Variants in ADAMTSL3 observed in about 807,000 individuals in gnomAD.
ADAMTSL3 encodes the protein ADAMTS-like protein 3.
Under a neutral mutation model 201.7 loss-of-function variants are expected in ADAMTSL3, and 128 were observed. The ratio of observed to expected loss-of-function variants is 0.63; its 90% CI spans 0.55 to 0.73. The LOEUF is 0.73. ADAMTSL3 is among the 30% of genes least tolerant of loss of function. The probability of loss-of-function intolerance (pLI) is 0.00; values close to 1 mark genes in which losing one functional copy is unlikely to be tolerated. For synonymous variants in ADAMTSL3, 738 were observed against 748.4 expected, an observed-to-expected ratio of 0.99 and a Z score of 0.23; for missense variants, 1,990 against 2,119.6, an observed-to-expected ratio of 0.94 and a Z score of 1.20.
At chr15:83,672,593 T>G (rs2061342256) in intron 2 of ADAMTSL3, among the ~76,000 whole-genome samples, 1 of 152,226 alleles carries the variant, frequency 6.6e-6, no homozygotes, top group African/African-American at 2.4e-5. Context: ...CAGTCATTTG[T>G]AATCATTATT....
In ADAMTSL3 at chr15:83,734,765, C is replaced by G. The variant is rs185864202; in HGVS notation, c.189+30257C>G. Among the ~76,000 whole-genome samples the G allele has an allele frequency of 2.8e-4, 42 of 152,208 alleles. 1 individual carries two copies. The highest frequency in any genetic ancestry group is 2.6e-3 in the Admixed American group (39 of 15,286). ...TTTTAGACCCCAGAGGACATTATGCCCAGATTGCCCCCAGGGGTCACTCTC... is the reference window on the plus strand; with the variant it reads ...TTTTAGACCCCAGAGGACATTATGCGCAGATTGCCCCCAGGGGTCACTCTC... On this transcript the variant is annotated intron_variant, in intron 3 of 29. Coordinates refer to ENST00000286744, the MANE Select transcript of ADAMTSL3 (RefSeq NM_207517.3).
At chr15:83,759,810 T>C (rs2062780204) in intron 3 of ADAMTSL3, among the ~76,000 whole-genome samples, 1 of 152,122 alleles carries the variant, frequency 6.6e-6, no homozygotes, top group Non-Finnish European at 1.5e-5. Context: ...AATTTTGAAA[T>C]ATATTAACAT....
intron 7 of ADAMTSL3, among the ~76,000 whole-genome samples, chr15:83,849,611 A>C (rs549872538): frequency 6.6e-6 from 1 of 152,260 alleles, no homozygotes; most frequent in African/African-American, 2.4e-5. Flanking sequence ...CTGTACTTAC[A>C]ATTGCTTCCT....
intron 26 of ADAMTSL3, among the ~76,000 whole-genome samples, chr15:84,023,080 A>C (rs2068234915): frequency 6.6e-6 from 1 of 152,096 alleles, no homozygotes; most frequent in Non-Finnish European, 1.5e-5. Flanking sequence ...CTCCCACTAG[A>C]CCGTAAATTC....
intron 7 of ADAMTSL3, among the ~76,000 whole-genome samples, chr15:83,847,413 C>T (rs1041106189): frequency 3.3e-5 from 5 of 152,026 alleles, no homozygotes; most frequent in African/African-American, 1.2e-4. Context: ...TACAGAATGA[C>T]AGATGAGCTT....
chr15:83,843,903 G>A (rs2064437606), intron 7 of ADAMTSL3, among the ~76,000 whole-genome samples: 1 of 152,156 alleles, frequency 6.6e-6, no homozygotes, highest in Non-Finnish European at 1.5e-5. Flanking sequence ...GAGGAGGAGA[G>A]AGACGGAACT....
chr15:83,679,141 T>A (rs1005557508), intron 2 of ADAMTSL3, among the ~76,000 whole-genome samples: 6 of 151,990 alleles, frequency 3.9e-5, no homozygotes, highest in African/African-American at 1.2e-4. Flanking sequence ...AAAAATTTTT[T>A]AAATTTAAGA....
intron 6 of ADAMTSL3, among the ~76,000 whole-genome samples, chr15:83,830,099 A>G (rs986440226): frequency 6.6e-6 from 1 of 152,154 alleles, no homozygotes; most frequent in Non-Finnish European, 1.5e-5. Context: ...TGATATCATG[A>G]TTAAGTAGAT....
Position 83,983,297 on chromosome 15 carries a change from C to T in ADAMTSL3, c.3669C>T (p.Ala1223=). Residue 1223 remains alanine, a synonymous_variant, in exon 21 of 30, where the codon GCC becomes GCT. Coordinates refer to ENST00000286744, the MANE Select transcript of ADAMTSL3 (RefSeq NM_207517.3). ...ILCDLITPSE[A]TYTWTKDGTL... is the part of the protein sequence containing the mutation. The stretch of plus-strand genomic sequence containing the variant: ...GTGACCTTATTACCCCCAGTGAGGC[C>T]ACATATACATGGACCAAGGATGGAA... The T allele has an allele frequency of 1.3e-6, 2 of 1,594,484 alleles. No homozygotes were observed. Among genetic ancestry groups the T allele is most frequent in the Non-Finnish European group, 1.7e-6 (2 of 1,170,874 alleles).
intron 15 of ADAMTSL3, among the ~76,000 whole-genome samples, chr15:83,911,376 A>G (rs2065930200): frequency 6.6e-6 from 1 of 152,210 alleles, no homozygotes; most frequent in South Asian, 2.1e-4. Context: ...TATTTCATTT[A>G]ACAGTCTTCA....
intron 17 of ADAMTSL3, among the ~76,000 whole-genome samples, chr15:83,938,499 G>A (rs1170876489): frequency 2.6e-5 from 4 of 152,152 alleles, no homozygotes; most frequent in Non-Finnish European, 4.4e-5. Flanking sequence ...CAGATTTTAT[G>A]TTATGTAAAC....
chr15:83,743,587 C>T (rs1231683193), intron 3 of ADAMTSL3, among the ~76,000 whole-genome samples: 2 of 151,018 alleles, frequency 1.3e-5, no homozygotes, highest in African/African-American at 2.4e-5. Context: ...TTTTGTTTTC[C>T]CTGCACAAAA....
intron 2 of ADAMTSL3, among the ~76,000 whole-genome samples, chr15:83,691,226 A>G (rs1232544578): frequency 6.6e-6 from 1 of 152,212 alleles, no homozygotes; most frequent in Non-Finnish European, 1.5e-5. Flanking sequence ...ATTCACATCA[A>G]TGGTATTACT....
chr15:83,826,324 T>C (rs2064021052), intron 6 of ADAMTSL3, among the ~76,000 whole-genome samples: 1 of 152,088 alleles, frequency 6.6e-6, no homozygotes. Context: ...GGTCTCACTA[T>C]GTTGCCCAGG....
At chr15:83,817,821 GA>G (rs2063792821) in intron 5 of ADAMTSL3, among the ~76,000 whole-genome samples, 1 of 152,150 alleles carries the variant, frequency 6.6e-6, no homozygotes, top group African/African-American at 2.4e-5. Context: ...TGAGGTGGGT[GA>G]ATCACTTGAG....
intron 4 of ADAMTSL3, among the ~76,000 whole-genome samples, chr15:83,779,260 G>GA (rs1469034591): frequency 6.6e-6 from 1 of 152,006 alleles, no homozygotes; most frequent in Non-Finnish European, 1.5e-5. Context: ...TGGATCAAAT[G>GA]AACCTGATAG....
chr15:83,785,071 T>C lies in ADAMTSL3; in HGVS notation c.317+11421T>C, dbSNP rs76962883. Among the ~76,000 whole-genome samples, 459 of 152,334 alleles carry C rather than the reference T, an allele frequency of 3.0e-3. 1 individual carries two copies. Among genetic ancestry groups the C allele is most frequent in the African/African-American group, 0.011 (447 of 41,570 alleles). On this transcript the variant is annotated intron_variant, in intron 4 of 29. Transcript: ENST00000286744. Reference sequence around the variant, plus strand: ...GCATTCAGTTCTTCAGGTTGAATGATAGCTTTGTTGGCAGAGATACATTTT... The same window carrying C: ...GCATTCAGTTCTTCAGGTTGAATGACAGCTTTGTTGGCAGAGATACATTTT...
At chr15:83,883,474 A>G (rs1217319542) in intron 9 of ADAMTSL3, among the ~76,000 whole-genome samples, 3 of 150,570 alleles carry the variant, frequency 2.0e-5, no homozygotes, top group Non-Finnish European at 4.4e-5. Context: ...CGCCTGGCCC[A>G]CCATATTTAT....
intron 19 of ADAMTSL3, among the ~76,000 whole-genome samples, chr15:83,954,865 C>G (rs1270569043): frequency 6.6e-6 from 1 of 152,234 alleles, no homozygotes; most frequent in Non-Finnish European, 1.5e-5. Context: ...CTCTCTCTCT[C>G]TGCTGAGCCA....
Sources: allele counts gnomAD v4.1 joint callset (sites outside exome capture counted in the v4.1 genomes callset), GRCh38; gene constraint gnomAD v4.1.1; transcripts MANE v1.5; gene names NCBI Gene and HGNC (gene_info 2026-07-23, HGNC 2026-07-21).